Variants in MMUT observed in about 807,000 individuals in gnomAD.
MMUT encodes methylmalonyl-CoA mutase, mitochondrial.
MMUT carries 79 observed loss-of-function variants against 79.9 expected under a neutral mutation model. That is an observed-to-expected ratio of 0.99 (90% CI 0.82 to 1.19). The LOEUF (loss-of-function observed/expected upper bound fraction) is 1.19. Among genes scored for constraint, MMUT ranks in the 50% most tolerant of loss-of-function variants. The probability of loss-of-function intolerance (pLI) is 0.00; values close to 1 mark genes in which losing one functional copy is unlikely to be tolerated. For missense variants in MMUT, 860 were observed against 917.2 expected (o/e 0.94, Z 0.81); for synonymous variants, 273 against 295.7 (o/e 0.92, Z 0.79).
intron 5 of MMUT, among the ~76,000 whole-genome samples, chr6:49,452,534 C>T (rs1469409205): frequency 6.6e-6 from 1 of 151,998 alleles, no homozygotes; most frequent in Non-Finnish European, 1.5e-5. Context: ...GGGGTTTCAC[C>T]ATGTTAGCCA....
chr6:49,445,274 G>A (rs986868155), intron 8 of MMUT, among the ~76,000 whole-genome samples: 1 of 152,108 alleles, frequency 6.6e-6, no homozygotes, highest in East Asian at 1.9e-4. Flanking sequence ...CTAAGAAAAA[G>A]ATATACAATG....
At chr6:49,455,974 C>A in intron 4 of MMUT, 106 bp downstream of exon 4, 1 of 1,019,168 alleles carries the variant, frequency 9.8e-7, no homozygotes, top group Non-Finnish European at 1.4e-6. Flanking sequence ...ATAAGAAAAT[C>A]TAAATCTAGC....
At chr6:49,444,015 G>C (rs1337653864) in intron 9 of MMUT, among the ~76,000 whole-genome samples, 1 of 152,100 alleles carries the variant, frequency 6.6e-6, no homozygotes, top group Non-Finnish European at 1.5e-5. Context: ...CAGACAAAGA[G>C]GAGGTCTCTA....
chr6:49,448,380 T>A (rs1767463217), intron 7 of MMUT, among the ~76,000 whole-genome samples: 1 of 152,082 alleles, frequency 6.6e-6, no homozygotes, highest in African/African-American at 2.4e-5. Flanking sequence ...TCCTCTCTTT[T>A]ACTAGAATGT....
chr6:49,460,681 T>A (rs1456891638), intron 1 of MMUT, among the ~76,000 whole-genome samples: 2 of 152,200 alleles, frequency 1.3e-5, no homozygotes, highest in East Asian at 3.9e-4. Context: ...AAAAAGATAT[T>A]GAGATGCAAA....
At chr6:49,441,128 T>C (rs1393899830) in intron 10 of MMUT, among the ~76,000 whole-genome samples, 1 of 152,158 alleles carries the variant, frequency 6.6e-6, no homozygotes, top group East Asian at 1.9e-4. Flanking sequence ...GTATGGAAAT[T>C]CAGTTTTTAA....
At chr6:49,449,224 T>A (rs1767489452) in intron 6 of MMUT, among the ~76,000 whole-genome samples, 2 of 152,070 alleles carry the variant, frequency 1.3e-5, no homozygotes, top group South Asian at 4.1e-4. Flanking sequence ...GTACATAAAG[T>A]TTTCATAATT....
At chr6:49,440,144 C>T (rs1008322209) in intron 11 of MMUT, 62 bp downstream of exon 11, 4 of 1,588,480 alleles carry the variant, frequency 2.5e-6, no homozygotes, top group African/African-American at 2.7e-5. Context: ...CATTTTACTA[C>T]ATTTTCTAAA....
At chr6:49,432,076 C>A (rs1445709566) in intron 12 of MMUT, among the ~76,000 whole-genome samples, 1 of 152,178 alleles carries the variant, frequency 6.6e-6, no homozygotes, top group Non-Finnish European at 1.5e-5. Context: ...AAACACTCCG[C>A]CCATTTTCTA....
At chr6:49,457,242 T>C (rs1767711722) in intron 3 of MMUT, among the ~76,000 whole-genome samples, 2 of 152,334 alleles carry the variant, frequency 1.3e-5, no homozygotes, top group African/African-American at 2.4e-5. Context: ...ATCATTCTTA[T>C]TGGGAAAGAT....
chr6:49,447,821 T>A, intron 7 of MMUT, 36 bp from the exon 8 acceptor site: 7 of 1,111,220 alleles, frequency 6.3e-6, no homozygotes, highest in Non-Finnish European at 9.7e-6. Flanking sequence ...TATTCACAAA[T>A]AATTACCTAA....
chr6:49,439,832 A>G (rs1767225350), intron 11 of MMUT, among the ~76,000 whole-genome samples: 1 of 152,218 alleles, frequency 6.6e-6, no homozygotes, highest in Non-Finnish European at 1.5e-5. Context: ...CAATAAGTCC[A>G]GTATGTTTGC....
intron 9 of MMUT, 145 bp downstream of exon 9, chr6:49,444,494 A>G (rs1767357849): frequency 2.9e-6 from 2 of 696,186 alleles, no homozygotes; most frequent in Admixed American, 2.2e-5. Flanking sequence ...TTTTAAAATG[A>G]TAAGAATTAA....
At chr6:49,447,135 A>G (rs934083754) in intron 8 of MMUT, among the ~76,000 whole-genome samples, 1 of 151,950 alleles carries the variant, frequency 6.6e-6, no homozygotes, top group African/African-American at 2.4e-5. Flanking sequence ...TTCAATCAAA[A>G]TAAATAAAGT....
chr6:49,455,078 C>A (rs562308092), intron 4 of MMUT, among the ~76,000 whole-genome samples: 169 of 152,088 alleles, frequency 1.1e-3, no homozygotes, highest in Admixed American at 3.5e-3. Flanking sequence ...AATAAACCCA[C>A]AACATGTTAA....
intron 11 of MMUT, 27 bp downstream of exon 11, chr6:49,440,179 G>A (rs1767234410): frequency 1.2e-6 from 2 of 1,613,344 alleles, no homozygotes; most frequent in African/African-American, 1.3e-5. Flanking sequence ...AAATACTTTT[G>A]AAATTCCCCC....
At position 49,453,692 on chromosome 6, in the gene MMUT, T is replaced by C. The variant is rs1085308002; in HGVS notation, c.976A>G (p.Arg326Gly). 6.2e-7 allele frequency: 1 copy of C among 1,613,376 alleles called. No individual in the cohort carries two copies. Among genetic ancestry groups the C allele is most frequent in the African/African-American group, 1.3e-5 (1 of 75,010 alleles). Residue 326 changes from arginine to glycine, a missense_variant, in exon 5 of 13, where the codon AGA (arginine) becomes GGA (glycine). By Grantham distance (125) the Arg-to-Gly change is moderately radical (BLOSUM62 -2). Coordinates refer to ENST00000274813, the MANE Select transcript of MMUT (RefSeq NM_000255.4). ...YMEIAKMRAG[R>G]RLWAHLIEKM... ...TCTATTAAGTGAGCCCAGAGTCTTC[T>C]ACCAGCTCTCATCTTTGCTATTTCC... is the stretch of plus-strand genomic sequence containing the variant.
chr6:49,461,790 C>G (rs1767851954), intron 1 of MMUT, among the ~76,000 whole-genome samples: 1 of 152,072 alleles, frequency 6.6e-6, no homozygotes, highest in Non-Finnish European at 1.5e-5. Flanking sequence ...AAAAAACCTT[C>G]CATTTTTTTA....
Position 49,453,643 on chromosome 6 carries a change from G to C in MMUT, c.1025C>G (p.Ser342Ter), listed in dbSNP as rs770466993. The C allele has an allele frequency of 6.2e-7, 1 of 1,613,090 alleles. No homozygotes were observed. The highest frequency in any genetic ancestry group is 2.2e-5 in the East Asian group (1 of 44,736). ...LIEKMFQPKNSKSLLLRAHCQ... is the reference protein window; with the variant it reads ...LIEKMFQPKN Reference sequence around the variant, plus strand: ...GTGTGCTCTTAGAAGAAGAGATTTTGAGTTTTTAGGCTGAAACATTTTCTC... The same window carrying C: ...GTGTGCTCTTAGAAGAAGAGATTTTCAGTTTTTAGGCTGAAACATTTTCTC... The change falls in exon 5 of 13, where the codon TCA becomes TGA. Residue 342 changes from serine to a stop codon, truncating the protein, a stop_gained. Transcript: ENST00000274813. LOFTEE classifies it high-confidence loss of function.
Sources: gnomAD v4.1 joint callset for allele counts (sites outside exome capture counted in the v4.1 genomes callset) on GRCh38, gnomAD v4.1.1 for gene constraint, MANE v1.5 for transcripts, NCBI Gene and HGNC (gene_info 2026-07-23, HGNC 2026-07-21) for gene names.